The following ANKRD13B variants were observed in gnomAD, a reference collection of about 807,000 sequenced individuals.
ANKRD13B encodes ankyrin repeat domain 13B, also known as ankyrin repeat domain-containing protein 13B.
ANKRD13B carries 33 observed loss-of-function variants against 74.4 expected under a neutral mutation model. The ratio of observed to expected loss-of-function variants is 0.44; its 90% CI spans 0.34 to 0.59. The LOEUF is 0.59. ANKRD13B is among the 20% of genes least tolerant of loss of function. The pLI is 0.02. For synonymous variants in ANKRD13B, 341 were observed against 362.9 expected (o/e 0.94, Z 0.68); for missense variants, 676 against 877.9 (o/e 0.77, Z 2.91).
rs1363352442 is a variant in ANKRD13B, at chr17:29,613,891, G to A, written c.*309G>A. 8 of 374,042 alleles carry A rather than the reference G, an allele frequency of 2.1e-5. No homozygotes were observed. In the South Asian group the frequency reaches 5.2e-4, roughly 24 times the overall value. The allele number at this position is 374,042 out of a possible 1,614,324, so 23.2% of individuals were successfully genotyped here. A position where few individuals can be genotyped will look rare whatever the true frequency, so the allele number is the denominator to read the frequency against. On this transcript the variant is annotated 3_prime_UTR_variant, in exon 15 of 15. Coordinates refer to ENST00000394859, the MANE Select transcript of ANKRD13B (RefSeq NM_152345.5). ...GGGCGGAGCCAGGCGGTCCTGAGGG[G>A]GAGATGAATCCTTAGAGGAGCGCTG...
chr17:29,593,607 C>G lies in ANKRD13B; in HGVS notation c.-15C>G. On this transcript the variant is annotated 5_prime_UTR_variant, in exon 1 of 15. Transcript: ENST00000394859. ...CCCCGGCCGGGCGCCGCGGCCCCGG[C>G]ATGAGGAGCGGGCGATGATCCCCGC... The G allele has an allele frequency of 7.7e-7, 1 of 1,303,638 alleles. No homozygotes were observed. The highest frequency in any genetic ancestry group is 2.0e-5 in the South Asian group (1 of 49,728). 80.8% of individuals were successfully genotyped at this position (1,303,638 alleles called of 1,614,324 possible).
In ANKRD13B at chr17:29,608,236, C is replaced by G; in HGVS notation, c.417C>G (p.Ser139Arg). 1 of 1,614,182 alleles carries G rather than the reference C, an allele frequency of 6.2e-7. No homozygotes were observed. Among genetic ancestry groups the G allele is most frequent in the Non-Finnish European group, 8.5e-7 (1 of 1,180,034 alleles). The part of the protein sequence containing the change: ...FYVEMKWEFT[S>R]WVPLVSKICP... ...TGGAGATGAAATGGGAGTTCACTAG[C>G]TGGGGTAAGCGGGCTGCAGCAGGTC... The change falls in exon 4 of 15, where the codon AGC (serine) becomes AGG (arginine). Residue 139 changes from serine (S) to arginine (R), a missense_variant. Coordinates refer to ENST00000394859, the MANE Select transcript of ANKRD13B (RefSeq NM_152345.5). The surrounding 1 kb of genome is among the most constrained non-coding windows in gnomAD (Gnocchi z 6.4).
rs2034604337 is a variant in ANKRD13B, at chr17:29,612,268, A to G, written c.1253A>G (p.Lys418Arg). 8 of 1,613,978 alleles carry G rather than the reference A, an allele frequency of 5.0e-6. No individual in the cohort carries two copies. The highest frequency in any genetic ancestry group is 6.8e-6 in the Non-Finnish European group (8 of 1,179,980). The change falls in exon 11 of 15, where the codon AAG becomes AGG. Residue 418 changes from lysine to arginine, a missense_variant. Lys to Arg is a conservative substitution (Grantham distance 26, BLOSUM62 2). Coordinates refer to ENST00000394859, the MANE Select transcript of ANKRD13B (RefSeq NM_152345.5). The surrounding 1 kb of genome is among the most constrained non-coding windows in gnomAD (Gnocchi z 6.1). Reference protein sequence around the residue: ...TLRLPPGFPVKIEIPIFHILN... With the variant: ...TLRLPPGFPVRIEIPIFHILN... The stretch of plus-strand genomic sequence containing the variant: ...CGTCTGCCTCCTGGCTTCCCAGTTA[A>G]GATTGGTGAGACCGCACGGCCATTT...
At position 29,609,584 on chromosome 17, in the gene ANKRD13B, G is replaced by A. The variant is rs2034507622; in HGVS notation, c.822+163G>A. On this transcript the variant is annotated intron_variant, in intron 7 of 14. Coordinates refer to ENST00000394859, the MANE Select transcript of ANKRD13B (RefSeq NM_152345.5). This position sits in a 1 kb window ranked among gnomAD's most constrained non-coding sequence, Gnocchi z 4.0. ...AAGGCACTTCTCTGGTGTTTTATAT[G>A]GATGTATGGATGTATACACAGGGCA... 6.6e-6 allele frequency among the ~76,000 whole-genome samples: 1 copy of A among 152,196 alleles called. No homozygotes were observed.
intron 1 of ANKRD13B, among the ~76,000 whole-genome samples, chr17:29,601,357 G>A (rs1399518006): frequency 6.6e-6 from 1 of 151,898 alleles, no homozygotes; most frequent in Non-Finnish European, 1.5e-5. Flanking sequence ...TAGTAGCTGG[G>A]ATTACAGGAA....
Position 29,611,532 on chromosome 17 carries a change from G to T in ANKRD13B, c.905-47G>T. 1 of 1,593,788 alleles carries T rather than the reference G, an allele frequency of 6.3e-7. No homozygotes were observed. The highest frequency in any genetic ancestry group is 8.6e-7 in the Non-Finnish European group (1 of 1,161,654). On this transcript the variant is annotated intron_variant, in intron 8 of 14. Transcript: ENST00000394859. The surrounding 1 kb of genome is among the most constrained non-coding windows in gnomAD (Gnocchi z 4.3). ...CTGTCACCTCTGATGAGGTGCCCAG[G>T]TGTGTGTGGAGTTGCGGTGTCCTCT... is the stretch of plus-strand genomic sequence containing the variant.
At position 29,611,303 on chromosome 17, in the gene ANKRD13B, C is replaced by T. The variant is rs1359580932; in HGVS notation, c.905-276C>T. On this transcript the variant is annotated intron_variant, in intron 8 of 14. Coordinates refer to ENST00000394859, the MANE Select transcript of ANKRD13B (RefSeq NM_152345.5). The surrounding 1 kb of genome is among the most constrained non-coding windows in gnomAD (Gnocchi z 4.3). ...CTGCCGGGGCAGGCGTTTTACTGTC[C>T]AGGGTCACCGAGCTGGAGAGGAGCA... 6.6e-6 allele frequency among the ~76,000 whole-genome samples: 1 copy of T among 152,212 alleles called. No homozygotes were observed. The highest frequency in any genetic ancestry group is 1.5e-5 in the Non-Finnish European group (1 of 68,028).
At chr17:29,606,371 C>T (rs2034375770) in intron 1 of ANKRD13B, among the ~76,000 whole-genome samples, 1 of 150,518 alleles carries the variant, frequency 6.6e-6, no homozygotes, top group South Asian at 2.1e-4. Flanking sequence ...CCAGCCTGGG[C>T]AACATATCAA....
In ANKRD13B at chr17:29,614,276, C is replaced by G. The variant is rs1382597656; in HGVS notation, c.*694C>G. ...TTTTGTGATCAGGGAGTGTGTCCAACGTAGCCCCCTGGCCTGTGCAAGCCC... is the reference window on the plus strand; with the variant it reads ...TTTTGTGATCAGGGAGTGTGTCCAAGGTAGCCCCCTGGCCTGTGCAAGCCC... On this transcript the variant is annotated 3_prime_UTR_variant, in exon 15 of 15. Transcript: ENST00000394859. The G allele has an allele frequency of 6.8e-6, 1 of 147,350 alleles. No individual in the cohort carries two copies. Among genetic ancestry groups the G allele is most frequent in the South Asian group, 2.1e-4 (1 of 4,726 alleles). 9.1% of individuals were successfully genotyped at this position (147,350 alleles called of 1,614,324 possible). A position where few individuals can be genotyped will look rare whatever the true frequency, so the allele number is the denominator to read the frequency against.
chr17:29,597,183 T>C (rs1324096329), intron 1 of ANKRD13B, among the ~76,000 whole-genome samples: 1 of 152,226 alleles, frequency 6.6e-6, no homozygotes, highest in Non-Finnish European at 1.5e-5. Flanking sequence ...ATACATGAGA[T>C]GTATGCTTTT....
At position 29,613,491 on chromosome 17, in the gene ANKRD13B, C is replaced by G. The variant is rs1175890273; in HGVS notation, c.1790C>G (p.Ser597Trp). 1.3e-6 allele frequency: 2 copies of G among 1,532,366 alleles called. No individual in the cohort carries two copies. Among genetic ancestry groups the G allele is most frequent in the Non-Finnish European group, 1.8e-6 (2 of 1,141,528 alleles). The allele number at this position is 1,532,366 out of a possible 1,614,324, so 94.9% of individuals were successfully genotyped here. A position where few individuals can be genotyped will look rare whatever the true frequency, so the allele number is the denominator to read the frequency against. ...CAGCTGCGGCTGGCGATGGAACTGT[C>G]GGCGCAGGAGCAGGAGGAGAGGCGG... is the stretch of plus-strand genomic sequence containing the variant. ...DEQLRLAMEL[S>W]AQEQEERRRR... Residue 597 changes from serine (S) to tryptophan (W), a missense_variant, in exon 15 of 15, where the codon TCG becomes TGG. Ser to Trp is a radical substitution (Grantham distance 177). This residue lies in a region of ANKRD13B where 108 missense variants were observed against 90.3 expected (regional missense o/e 1.20). Coordinates refer to ENST00000394859, the MANE Select transcript of ANKRD13B (RefSeq NM_152345.5).
In ANKRD13B at chr17:29,609,279, G is replaced by C. The variant is rs748120012; in HGVS notation, c.755+4G>C. 1.2e-6 allele frequency: 2 copies of C among 1,612,964 alleles called. No individual in the cohort carries two copies. Among genetic ancestry groups the C allele is most frequent in the East Asian group, 4.5e-5 (2 of 44,846 alleles). On this transcript the variant is annotated splice_donor_region_variant and intron_variant, in intron 6 of 14. Coordinates refer to ENST00000394859, the MANE Select transcript of ANKRD13B (RefSeq NM_152345.5). This position sits in a 1 kb window ranked among gnomAD's most constrained non-coding sequence, Gnocchi z 4.0. ...CCAAGAATATCTCCTTTGAGAGGTG[G>C]GTGGACATGGCCTTGGTCACCCTTG...
rs1225379356 is a variant in ANKRD13B, at chr17:29,609,746, C to G, written c.822+325C>G. 6.6e-6 allele frequency among the ~76,000 whole-genome samples: 1 copy of G among 152,136 alleles called. No homozygotes were observed. Among genetic ancestry groups the G allele is most frequent in the Admixed American group, 6.5e-5 (1 of 15,278 alleles). The stretch of plus-strand genomic sequence containing the variant: ...CATCCCATTTACTCTTCACAACAAC[C>G]CCAGGAAGTAGGGATGATCGGTCCA... On this transcript the variant is annotated intron_variant, in intron 7 of 14. Transcript: ENST00000394859. This position sits in a 1 kb window ranked among gnomAD's most constrained non-coding sequence, Gnocchi z 4.0.
intron 8 of ANKRD13B, 138 bp downstream of exon 8, chr17:29,610,904 C>T: frequency 2.3e-6 from 2 of 856,844 alleles, no homozygotes; most frequent in Non-Finnish European, 3.6e-6. Flanking sequence ...GATTTCAATT[C>T]AGGTGCCAAG....
intron 1 of ANKRD13B, among the ~76,000 whole-genome samples, chr17:29,599,211 T>G (rs112142287): frequency 2.6e-5 from 4 of 152,254 alleles, no homozygotes; most frequent in African/African-American, 9.6e-5. Context: ...GGGAAGGCCA[T>G]TGGCGAAGGG....
intron 1 of ANKRD13B, among the ~76,000 whole-genome samples, chr17:29,598,861 T>C (rs1233631854): frequency 1.3e-5 from 2 of 152,236 alleles, no homozygotes; most frequent in East Asian, 1.9e-4. Flanking sequence ...AATATACTTC[T>C]GCAATGATTT....
Position 29,611,942 on chromosome 17 carries a change from C to A in ANKRD13B, c.1036C>A (p.Pro346Thr). The A allele has an allele frequency of 6.2e-7, 1 of 1,614,148 alleles. No individual in the cohort carries two copies. The change falls in exon 10 of 15, where the codon CCC becomes ACC. Residue 346 changes from proline (P) to threonine (T), a missense_variant. Pro to Thr is a conservative substitution (Grantham distance 38). Transcript: ENST00000394859. The surrounding 1 kb of genome is among the most constrained non-coding windows in gnomAD (Gnocchi z 4.3). ...CATCACTGCAGAAGAATACTTCAAC[C>A]CCAACTTTGAGCTGGGCAACCGTGA... ...TAITAEEYFN[P>T]NFELGNRDMG...
At position 29,613,605 on chromosome 17, in the gene ANKRD13B, C is replaced by T; in HGVS notation, c.*23C>T. 7.1e-7 allele frequency: 1 copy of T among 1,400,288 alleles called. No individual in the cohort carries two copies. The highest frequency in any genetic ancestry group is 9.3e-7 in the Non-Finnish European group (1 of 1,076,324). The allele number at this position is 1,400,288 out of a possible 1,614,324, so 86.7% of individuals were successfully genotyped here. A position where few individuals can be genotyped will look rare whatever the true frequency, so the allele number is the denominator to read the frequency against. ...TAGCGCCCCCTGCCGGGACCCTCGCCAGCGCCACGCGCGCCACGCCCAGGG... is the reference window on the plus strand; with the variant it reads ...TAGCGCCCCCTGCCGGGACCCTCGCTAGCGCCACGCGCGCCACGCCCAGGG... On this transcript the variant is annotated 3_prime_UTR_variant, in exon 15 of 15. Transcript: ENST00000394859.
chr17:29,602,938 C>T (rs964060018), intron 1 of ANKRD13B, among the ~76,000 whole-genome samples: 10 of 151,996 alleles, frequency 6.6e-5, no homozygotes, highest in Non-Finnish European at 1.3e-4. Flanking sequence ...TGCAACCTCC[C>T]CTTCCCGGGT....
Sources: allele counts gnomAD v4.1 joint callset (sites outside exome capture counted in the v4.1 genomes callset), GRCh38; gene constraint gnomAD v4.1.1; regional missense constraint gnomAD v4.1.1; non-coding constraint Gnocchi (gnomAD v3.1); transcripts MANE v1.5; gene names NCBI Gene and HGNC (gene_info 2026-07-23, HGNC 2026-07-21).